Variants in TSPAN9 observed in about 807,000 individuals in gnomAD.
The protein encoded by TSPAN9 is tetraspanin-9.
In TSPAN9, 16 loss-of-function variants were observed where a neutral mutation model predicts 31.0. The observed-to-expected ratio is 0.52, with a 90% CI of 0.35 to 0.78. TSPAN9 has a LOEUF of 0.78. TSPAN9 is among the 30% of genes least tolerant of loss of function. The probability of loss-of-function intolerance (pLI) is 0.01; values close to 1 mark genes in which losing one functional copy is unlikely to be tolerated. For synonymous variants in TSPAN9, 145 were observed against 121.6 expected, an observed-to-expected ratio of 1.19 and a Z score of -1.27; for missense variants, 272 against 312.5, an observed-to-expected ratio of 0.87 and a Z score of 0.98.
rs568856741 is a variant in TSPAN9, at chr12:3,201,306, C to T, written c.63+50C>T. The T allele has an allele frequency of 1.4e-5, 22 of 1,553,860 alleles. No homozygotes were observed. In the African/African-American group the frequency reaches 2.4e-4, roughly 17 times the overall value. The stretch of plus-strand genomic sequence containing the variant: ...CTTCGCCCTCTTCTCCTCCTCTTGG[C>T]TTACCATAGCGTGAATACCCTCTCC... On this transcript the variant is annotated intron_variant, in intron 3 of 8. Coordinates refer to ENST00000011898, the MANE Select transcript of TSPAN9 (RefSeq NM_006675.5).
chr12:3,090,286 C>T (rs1224940425), intron 2 of TSPAN9, among the ~76,000 whole-genome samples: 2 of 152,164 alleles, frequency 1.3e-5, no homozygotes, highest in African/African-American at 2.4e-5. Context: ...CTGCATAGAC[C>T]ACCCCAAAAT....
rs76375200 is a variant in TSPAN9 at position 3,078,476 on chromosome 12, A to T, written c.-85+1023A>T. ...AATAGCCACAGAGAATGTTGAATATATGCTTTGCTATAGAGATACGCAGCC... is the reference window on the plus strand; with the variant it reads ...AATAGCCACAGAGAATGTTGAATATTTGCTTTGCTATAGAGATACGCAGCC... On this transcript the variant is annotated intron_variant, in intron 1 of 8. Transcript: ENST00000011898. Among the ~76,000 whole-genome samples the T allele has an allele frequency of 2.0e-5, 3 of 152,306 alleles. No individual in the cohort carries two copies. In the South Asian group the frequency reaches 6.2e-4, roughly 32 times the overall value.
rs1415151619 is a variant in TSPAN9 at position 3,174,731 on chromosome 12, C to T, written c.-17-26446C>T. Among the ~76,000 whole-genome samples, 574 of 144,626 alleles carry T rather than the reference C, an allele frequency of 4.0e-3. 2 individuals are homozygous for T. The highest frequency in any genetic ancestry group is 4.9e-3 in the South Asian group (20 of 4,076). 94.9% of individuals were successfully genotyped at this position (144,626 alleles called of 152,430 possible). ...CCGAGTAGCTGGGACTACAGGCGCC[C>T]ACCACCGCGCCCGGCTAATTTTTTG... On this transcript the variant is annotated intron_variant, in intron 2 of 8. Coordinates refer to ENST00000011898, the MANE Select transcript of TSPAN9 (RefSeq NM_006675.5).
intron 3 of TSPAN9, among the ~76,000 whole-genome samples, chr12:3,222,142 G>A (rs1360183537): frequency 6.6e-6 from 1 of 152,122 alleles, no homozygotes; most frequent in East Asian, 1.9e-4. Flanking sequence ...CTTCCAATAA[G>A]CATTTATTGA....
In TSPAN9 at chr12:3,209,578, G is replaced by C. The variant is rs761566498; in HGVS notation, c.63+8322G>C. Among the ~76,000 whole-genome samples the C allele has an allele frequency of 2.7e-4, 41 of 152,264 alleles. No individual in the cohort carries two copies. The Middle Eastern group carries it at 0.01, about 38-fold the overall frequency. On this transcript the variant is annotated intron_variant, in intron 3 of 8. Transcript: ENST00000011898. ...GACTAGTACACGGTTGAGAGCACAC[G>C]TGACTCGCCTGACGAGCTCAGCTGT...
Position 3,281,193 on chromosome 12 carries a change from G to A in TSPAN9, c.433-5G>A. The stretch of plus-strand genomic sequence containing the variant: ...CTGACTGCCCCTTCCATTCCTGCTG[G>A]CCAGATGCGATGCTGTGGTGTCACT... On this transcript the variant is annotated splice_region_variant and splice_polypyrimidine_tract_variant and intron_variant, in intron 6 of 8. Coordinates refer to ENST00000011898, the MANE Select transcript of TSPAN9 (RefSeq NM_006675.5). 6.4e-7 allele frequency: 1 copy of A among 1,551,024 alleles called. No homozygotes were observed. The highest frequency in any genetic ancestry group is 8.7e-7 in the Non-Finnish European group (1 of 1,146,922).
chr12:3,207,798 C>T (rs1302562901), intron 3 of TSPAN9, among the ~76,000 whole-genome samples: 1 of 143,724 alleles, frequency 7.0e-6, no homozygotes, highest in African/African-American at 2.5e-5. Context: ...GGTGACCGGC[C>T]AAGGAGGAGA....
chr12:3,092,892 T>G (rs1450392286), intron 2 of TSPAN9, among the ~76,000 whole-genome samples: 1 of 152,102 alleles, frequency 6.6e-6, no homozygotes, highest in African/African-American at 2.4e-5. Context: ...AGAGGGAGGT[T>G]AGAAATGAGT....
intron 3 of TSPAN9, among the ~76,000 whole-genome samples, chr12:3,254,721 A>G (rs746660801): frequency 6.6e-6 from 1 of 152,162 alleles, no homozygotes; most frequent in Non-Finnish European, 1.5e-5. Context: ...TATATAGAAA[A>G]TGGTTTGCAC....
intron 3 of TSPAN9, among the ~76,000 whole-genome samples, chr12:3,243,312 G>A (rs1591701183): frequency 1.3e-5 from 2 of 152,272 alleles, no homozygotes; most frequent in Non-Finnish European, 1.5e-5. Context: ...GGCCGGGCAC[G>A]GAGCTGGGTG....
rs957115045 is a variant in TSPAN9 at position 3,187,229 on chromosome 12, A to G, written c.-17-13948A>G. ...CAGGGGACACTGGATGAGGGTGATGAAGGTTGGGGTTGGCGGGGCAGTGGT... is the reference window on the plus strand; with the variant it reads ...CAGGGGACACTGGATGAGGGTGATGGAGGTTGGGGTTGGCGGGGCAGTGGT... On this transcript the variant is annotated intron_variant, in intron 2 of 8. Coordinates refer to ENST00000011898, the MANE Select transcript of TSPAN9 (RefSeq NM_006675.5). The surrounding 1 kb of genome is among the most constrained non-coding windows in gnomAD (Gnocchi z 5.2). Among the ~76,000 whole-genome samples the G allele has an allele frequency of 2.0e-5, 3 of 152,080 alleles. No homozygotes were observed. Among genetic ancestry groups the G allele is most frequent in the Non-Finnish European group, 4.4e-5 (3 of 68,008 alleles).
intron 3 of TSPAN9, among the ~76,000 whole-genome samples, chr12:3,260,147 C>G (rs537547505): frequency 6.6e-6 from 1 of 152,230 alleles, no homozygotes; most frequent in African/African-American, 2.4e-5. Context: ...CTGCCCACTC[C>G]GCTCAACGGG....
At chr12:3,175,961 C>CT (rs1355199251) in intron 2 of TSPAN9, among the ~76,000 whole-genome samples, 3 of 152,208 alleles carry the variant, frequency 2.0e-5, no homozygotes, top group African/African-American at 4.8e-5. Flanking sequence ...TCAGCCCTGC[C>CT]TGTATGCCTT....
intron 2 of TSPAN9, among the ~76,000 whole-genome samples, chr12:3,105,426 T>G: frequency 1.5e-5 from 2 of 132,696 alleles, no homozygotes; most frequent in Admixed American, 7.4e-5. Flanking sequence ...TATTTTTCCT[T>G]GTCTTAAAAA....
chr12:3,149,877 C>T (rs955721832), intron 2 of TSPAN9: 5 of 152,220 alleles, frequency 3.3e-5, no homozygotes, highest in African/African-American at 9.6e-5. Flanking sequence ...GTAGGTTTGC[C>T]CCTTTGAGGA....
chr12:3,250,402 C>T (rs1249308719), intron 3 of TSPAN9, among the ~76,000 whole-genome samples: 1 of 152,182 alleles, frequency 6.6e-6, no homozygotes, highest in Non-Finnish European at 1.5e-5. Context: ...CCCCATCAGC[C>T]CTGTTTTTCC....
intron 2 of TSPAN9, among the ~76,000 whole-genome samples, chr12:3,166,017 G>T (rs2098348235): frequency 6.6e-6 from 1 of 152,186 alleles, no homozygotes; most frequent in Non-Finnish European, 1.5e-5. Context: ...TGGCCGAGGT[G>T]TGGGAATTAT....
chr12:3,248,779 G>A (rs193044814), intron 3 of TSPAN9, among the ~76,000 whole-genome samples: 7 of 152,216 alleles, frequency 4.6e-5, no homozygotes, highest in Admixed American at 1.3e-4. Context: ...CCCTCACCAC[G>A]TTTCCAGCTA....
chr12:3,119,020 C>T lies in TSPAN9; in HGVS notation c.-18+35301C>T, dbSNP rs548892122. Among the ~76,000 whole-genome samples, 99 of 152,180 alleles carry T rather than the reference C, an allele frequency of 6.5e-4. 1 individual carries two copies. Among genetic ancestry groups the T allele is most frequent in the African/African-American group, 2.3e-3 (94 of 41,490 alleles). On this transcript the variant is annotated intron_variant, in intron 2 of 8. Coordinates refer to ENST00000011898, the MANE Select transcript of TSPAN9 (RefSeq NM_006675.5). ...GTAGGGTGAAAATGGAGCTTAGCAC[C>T]GCCTTTGGGACACTATCAGCAGATG...
Sources: gnomAD v4.1 joint callset for allele counts (sites outside exome capture counted in the v4.1 genomes callset) on GRCh38, gnomAD v4.1.1 for gene constraint, Gnocchi (gnomAD v3.1) non-coding constraint, MANE v1.5 for transcripts, NCBI Gene and HGNC (gene_info 2026-07-23, HGNC 2026-07-21) for gene names.